Variants in NALCN observed in about 807,000 individuals in gnomAD.
The protein encoded by NALCN is sodium leak channel NALCN.
In NALCN, 111 loss-of-function variants were observed where a neutral mutation model predicts 225.3. That is an observed-to-expected ratio of 0.49 (90% CI 0.42 to 0.58). NALCN has a LOEUF of 0.58. Among genes scored for constraint, NALCN ranks in the 20% least tolerant of loss-of-function variants. NALCN has a pLI of 0.00. For synonymous variants in NALCN, 764 were observed against 769.0 expected (o/e 0.99, Z 0.11); for missense variants, 1,378 against 2,202.4 (o/e 0.63, Z 7.49).
intron 3 of NALCN, among the ~76,000 whole-genome samples, chr13:101,382,142 C>T (rs9585684): frequency 0.16 from 24,882 of 152,072 alleles, 6,082 homozygotes; most frequent in African/African-American, 0.53. Flanking sequence ...TTATATGTAG[C>T]AGCACTACAA....
At chr13:101,282,536 C>T (rs2043201380) in intron 10 of NALCN, among the ~76,000 whole-genome samples, 1 of 152,100 alleles carries the variant, frequency 6.6e-6, no homozygotes, top group Non-Finnish European at 1.5e-5. Context: ...TATTAGTTAT[C>T]AGTCAAAAGA....
intron 30 of NALCN, among the ~76,000 whole-genome samples, chr13:101,084,007 CAG>C (rs756432299): frequency 6.6e-6 from 1 of 152,080 alleles, no homozygotes; most frequent in Non-Finnish European, 1.5e-5. Flanking sequence ...CCAGGTGTTT[CAG>C]AGAGAATTCA....
intron 6 of NALCN, among the ~76,000 whole-genome samples, chr13:101,356,256 A>G (rs1330049466): frequency 6.6e-6 from 1 of 152,148 alleles, no homozygotes; most frequent in Non-Finnish European, 1.5e-5. Flanking sequence ...TGAATTCAGG[A>G]GCTAATTTTT....
At chr13:101,154,008 A>C (rs887214959) in intron 15 of NALCN, among the ~76,000 whole-genome samples, 5 of 152,208 alleles carry the variant, frequency 3.3e-5, no homozygotes, top group Admixed American at 1.3e-4. Flanking sequence ...ACACTTATTT[A>C]ACTCTTATAA....
At chr13:101,116,310 A>C (rs2035704971) in intron 18 of NALCN, 1 of 142,940 alleles carries the variant, frequency 7.0e-6, no homozygotes, top group African/African-American at 3.2e-5. Flanking sequence ...CTTATATGAC[A>C]GCCATATATA....
At chr13:101,092,643 G>A (rs1376631100) in intron 28 of NALCN, among the ~76,000 whole-genome samples, 1 of 152,070 alleles carries the variant, frequency 6.6e-6, no homozygotes, top group Admixed American at 6.6e-5. Context: ...TCTCCTGTGT[G>A]TCCATTGTAC....
At chr13:101,305,848 G>A (rs182505151) in intron 7 of NALCN, among the ~76,000 whole-genome samples, 1 of 152,276 alleles carries the variant, frequency 6.6e-6, no homozygotes, top group Admixed American at 6.5e-5. Context: ...ATATTCCTAG[G>A]GCCTGGGCCA....
At chr13:101,154,849 G>C (rs2037827923) in intron 15 of NALCN, among the ~76,000 whole-genome samples, 1 of 152,144 alleles carries the variant, frequency 6.6e-6, no homozygotes, top group African/African-American at 2.4e-5. Flanking sequence ...TTATATTACT[G>C]GCAAAGATGA....
At chr13:101,182,133 CAAAAAA>C (rs34387567) in intron 14 of NALCN, among the ~76,000 whole-genome samples, 2 of 73,446 alleles carry the variant, frequency 2.7e-5, no homozygotes, top group Admixed American at 2.0e-4. Context: ...GACTCCATCT[CAAAAAA>C]AAAAAAAAAA....
chr13:101,227,833 G>A (rs1243223994), intron 13 of NALCN, among the ~76,000 whole-genome samples: 1 of 152,158 alleles, frequency 6.6e-6, no homozygotes, highest in East Asian at 1.9e-4. Flanking sequence ...TACCATTGAT[G>A]GTTCTTGCTA....
At chr13:101,281,475 T>A (rs534859) in intron 10 of NALCN, among the ~76,000 whole-genome samples, 118,665 of 152,090 alleles carry the variant, frequency 0.78, 46,960 homozygotes, top group Non-Finnish European at 0.84. Context: ...TACTATAATC[T>A]TTGTCATTAT....
At chr13:101,129,164 G>A (rs770617221) in intron 17 of NALCN, among the ~76,000 whole-genome samples, 1 of 152,134 alleles carries the variant, frequency 6.6e-6, no homozygotes, top group African/African-American at 2.4e-5. Context: ...TTATAATGAG[G>A]TGCTTTCCCT....
intron 2 of NALCN, among the ~76,000 whole-genome samples, chr13:101,397,744 CATAAT>C (rs1566651890): frequency 6.6e-6 from 1 of 151,536 alleles, no homozygotes; most frequent in Admixed American, 6.6e-5. Flanking sequence ...TAAATATACA[CATAAT>C]ATATGATGCA....
In NALCN at chr13:101,330,656, T is replaced by C. The variant is rs558130983; in HGVS notation, c.799+14610A>G. ...AGTTCAAGGACCTCTCCTTCCCTGA[T>C]ATGGTTTAGCTGTGTTTCCACCCAA... On this transcript the variant is annotated intron_variant, in intron 7 of 43. Coordinates refer to ENST00000251127, the MANE Select transcript of NALCN (RefSeq NM_052867.4). Among the ~76,000 whole-genome samples the C allele has an allele frequency of 2.0e-5, 3 of 152,312 alleles. No homozygotes were observed. In the East Asian group the frequency reaches 5.8e-4, roughly 29 times the overall value.
intron 17 of NALCN, among the ~76,000 whole-genome samples, chr13:101,125,132 G>C (rs1009362153): frequency 7.2e-5 from 11 of 152,118 alleles, no homozygotes; most frequent in African/African-American, 2.2e-4. Flanking sequence ...GGGCATTCAA[G>C]ATCTCTTCCT....
intron 37 of NALCN, among the ~76,000 whole-genome samples, chr13:101,071,664 T>C (rs1001261871): frequency 6.6e-6 from 1 of 152,216 alleles, no homozygotes; most frequent in African/African-American, 2.4e-5. Flanking sequence ...GGTAAAATTT[T>C]TTCTCCATAT....
intron 13 of NALCN, among the ~76,000 whole-genome samples, chr13:101,207,905 A>G (rs1054040373): frequency 1.3e-5 from 2 of 152,198 alleles, no homozygotes; most frequent in Non-Finnish European, 2.9e-5. Context: ...ATGAGCTGCA[A>G]CACTCACCGC....
intron 15 of NALCN, among the ~76,000 whole-genome samples, chr13:101,150,237 G>C (rs546460022): frequency 6.6e-6 from 1 of 152,014 alleles, no homozygotes; most frequent in Non-Finnish European, 1.5e-5. Flanking sequence ...CAGAGTGGTC[G>C]TCCTGGGTGG....
At chr13:101,399,977 GT>G (rs1312651848) in intron 1 of NALCN, among the ~76,000 whole-genome samples, 1 of 152,146 alleles carries the variant, frequency 6.6e-6, no homozygotes, top group East Asian at 1.9e-4. Flanking sequence ...GAGAAGAATT[GT>G]TATAAAGGCA....
Sources: gnomAD v4.1 joint callset for allele counts (sites outside exome capture counted in the v4.1 genomes callset) on GRCh38, gnomAD v4.1.1 for gene constraint, MANE v1.5 for transcripts, NCBI Gene and HGNC (gene_info 2026-07-23, HGNC 2026-07-21) for gene names.